MGST1: variants seen among roughly 807,000 people sequenced by gnomAD.
MGST1 encodes the protein microsomal glutathione S-transferase 1.
A neutral mutation model predicts 8.9 loss-of-function variants in MGST1; 5 were observed. The observed-to-expected ratio is 0.56, with a 90% confidence interval of 0.29 to 1.19. The LOEUF (loss-of-function observed/expected upper bound fraction) is 1.19, where lower values mean the gene tolerates loss of function less well. Ranked by LOEUF, MGST1 falls within the 50% of genes most tolerant of loss-of-function variation. MGST1 has a pLI of 0.08. For synonymous variants in MGST1, 54 were observed against 67.8 expected (o/e 0.80, Z 1.00); for missense variants, 182 against 187.4 (o/e 0.97, Z 0.17).
Position 16,559,689 on chromosome 12 carries a change from G to T in MGST1, n.483-29839G>T, listed in dbSNP as rs1328266117. ...AGATTGGGTGGGGGTGGTGGCTCAT[G>T]CCTATAATCCCTGCACTTTGGGAGG... is the stretch of plus-strand genomic sequence containing the variant. On this transcript the variant is annotated intron_variant and non_coding_transcript_variant, in intron 4 of 4. Transcript: ENST00000538857. This position sits in a 1 kb window ranked among gnomAD's most constrained non-coding sequence, Gnocchi z 4.1. Among the ~76,000 whole-genome samples, 2 of 152,090 alleles carry T rather than the reference G, an allele frequency of 1.3e-5. No homozygotes were observed. The highest frequency in any genetic ancestry group is 3.9e-4 in the East Asian group (2 of 5,194).
chr12:16,513,088 T>A lies in MGST1; in HGVS notation n.483-76440T>A, dbSNP rs144322198. ...TGCATATCTGCTTCTCTAGTTATCA[T>A]TATCAAACAAATCATTCTTTCATGT... On this transcript the variant is annotated intron_variant and non_coding_transcript_variant, in intron 4 of 4. Coordinates refer to the MGST1 transcript ENST00000538857. The surrounding 1 kb of genome is among the most constrained non-coding windows in gnomAD (Gnocchi z 4.2). Among the ~76,000 whole-genome samples, 19 of 152,348 alleles carry A rather than the reference T, an allele frequency of 1.2e-4. No individual in the cohort carries two copies. The highest frequency in any genetic ancestry group is 1.2e-4 in the Non-Finnish European group (8 of 68,034).
intron 4 of MGST1, among the ~76,000 whole-genome samples, chr12:16,496,171 G>A (rs1941468823): frequency 6.6e-6 from 1 of 152,036 alleles, no homozygotes; most frequent in Non-Finnish European, 1.5e-5. Flanking sequence ...GAAATTCTCA[G>A]AGAGGTGTGT....
chr12:16,441,399 G>A (rs1454439297), downstream of MGST1, among the ~76,000 whole-genome samples: 2 of 151,686 alleles, frequency 1.3e-5, no homozygotes, highest in Non-Finnish European at 1.5e-5. Context: ...ATAGTCCATG[G>A]GTTTTGATAA....
intron 3 of MGST1, among the ~76,000 whole-genome samples, chr12:16,372,285 TAA>T (rs941842767): frequency 1.8e-4 from 28 of 152,068 alleles, no homozygotes; most frequent in African/African-American, 6.5e-4. Flanking sequence ...ATCCATATGA[TAA>T]GAGATTAATA....
At chr12:16,443,175 ATCTT>A (rs368830703), downstream of MGST1, among the ~76,000 whole-genome samples, 385 of 151,946 alleles carry the variant, frequency 2.5e-3, no homozygotes, top group African/African-American at 8.6e-3. Context: ...CAGCAATAGT[ATCTT>A]TCTTATGCTA....
intron 1 of MGST1, chr12:16,402,233 A>G (rs777159000): frequency 6.4e-5 from 101 of 1,587,262 alleles, no homozygotes; most frequent in Admixed American, 8.3e-5. Flanking sequence ...CCATGGTAGT[A>G]TCAGTTAGTT....
chr12:16,399,978 A>C, intron 1 of MGST1: 1 of 1,396,284 alleles, frequency 7.2e-7, no homozygotes, highest in South Asian at 1.2e-5. Context: ...TAGTGGGCTG[A>C]AGGAGGCAGG....
At chr12:16,542,959 C>T (rs1228283277) in intron 4 of MGST1, among the ~76,000 whole-genome samples, 1 of 152,174 alleles carries the variant, frequency 6.6e-6, no homozygotes, top group East Asian at 1.9e-4. Context: ...AGGTAAATGT[C>T]AATTGTGATG....
chr12:16,408,361 C>A (rs946213306), intron 1 of MGST1, among the ~76,000 whole-genome samples: 7 of 152,060 alleles, frequency 4.6e-5, no homozygotes, highest in Non-Finnish European at 1.0e-4. Flanking sequence ...GCACATGTAC[C>A]CCGATCCTAA....
At chr12:16,409,489 G>T (rs1050948300) in intron 1 of MGST1, among the ~76,000 whole-genome samples, 4 of 152,034 alleles carry the variant, frequency 2.6e-5, no homozygotes, top group African/African-American at 9.7e-5. Flanking sequence ...GGAGAGGATC[G>T]CTGAAATTAT....
At chr12:16,496,070 C>T (rs1941468389) in intron 4 of MGST1, among the ~76,000 whole-genome samples, 1 of 152,058 alleles carries the variant, frequency 6.6e-6, no homozygotes, top group Non-Finnish European at 1.5e-5. Flanking sequence ...ATTGGTGCTG[C>T]CCTTCTGGAA....
chr12:16,495,181 G>A (rs574452753), intron 4 of MGST1, among the ~76,000 whole-genome samples: 1 of 152,206 alleles, frequency 6.6e-6, no homozygotes, highest in South Asian at 2.1e-4. Context: ...GGATGAAACT[G>A]GAAGCCATTA....
In MGST1 at chr12:16,519,377, G is replaced by A. The variant is rs183243641; in HGVS notation, n.483-70151G>A. Among the ~76,000 whole-genome samples, 33 of 152,222 alleles carry A rather than the reference G, an allele frequency of 2.2e-4. 1 individual carries two copies. The highest frequency in any genetic ancestry group is 3.4e-3 in the Middle Eastern group (1 of 294). ...ACTACTTCTGGGAACACCAAGTTATGGGTTATAGAAAGACAGCTATCTTGA... is the reference window on the plus strand; with the variant it reads ...ACTACTTCTGGGAACACCAAGTTATAGGTTATAGAAAGACAGCTATCTTGA... On this transcript the variant is annotated intron_variant and non_coding_transcript_variant, in intron 4 of 4. Transcript: ENST00000538857.
chr12:16,419,484 G>A (rs555582654), intron 1 of MGST1, among the ~76,000 whole-genome samples: 1 of 152,086 alleles, frequency 6.6e-6, no homozygotes, highest in African/African-American at 2.4e-5. Flanking sequence ...CAGAAAAAAG[G>A]AAAAAATCTC....
At chr12:16,443,230 T>G (rs1159993109), downstream of MGST1, among the ~76,000 whole-genome samples, 1 of 151,850 alleles carries the variant, frequency 6.6e-6, no homozygotes, top group Non-Finnish European at 1.5e-5. Context: ...ATTTTCAGAT[T>G]ACCTTATATT....
chr12:16,375,994 C>T, intron 3 of MGST1: 1 of 517,782 alleles, frequency 1.9e-6, no homozygotes, highest in Non-Finnish European at 3.0e-6. Flanking sequence ...TATACACACA[C>T]AACACCCACA....
At chr12:16,440,246 TACACACACAC>T (rs55778046), downstream of MGST1, among the ~76,000 whole-genome samples, 1 of 148,844 alleles carries the variant, frequency 6.7e-6, no homozygotes, top group South Asian at 2.1e-4. Context: ...AATGTGTGTG[TACACACACAC>T]ACACACACAC....
chr12:16,378,465 G>A (rs1233139412), downstream of MGST1, among the ~76,000 whole-genome samples: 2 of 152,030 alleles, frequency 1.3e-5, no homozygotes, highest in Non-Finnish European at 2.9e-5. Context: ...GTAGATATGT[G>A]GCATTATTTC....
intron 4 of MGST1, among the ~76,000 whole-genome samples, chr12:16,471,323 G>A (rs537002376): frequency 5.9e-5 from 9 of 152,266 alleles, no homozygotes; most frequent in African/African-American, 2.2e-4. Context: ...AACCCATTTT[G>A]CGGGGAATAA....
Sources: gnomAD v4.1 joint callset for allele counts (sites outside exome capture counted in the v4.1 genomes callset) on GRCh38, gnomAD v4.1.1 for gene constraint, Gnocchi (gnomAD v3.1) non-coding constraint, MANE v1.5 for transcripts, NCBI Gene and HGNC (gene_info 2026-07-23, HGNC 2026-07-21) for gene names.